Variants in NCKAP5 observed in about 807,000 individuals in gnomAD.
NCKAP5 encodes the protein nck-associated protein 5.
Under a neutral mutation model 167.0 loss-of-function variants are expected in NCKAP5, and 92 were observed. The observed-to-expected ratio is 0.55, with a 90% CI of 0.47 to 0.66. The LOEUF (loss-of-function observed/expected upper bound fraction) is 0.66. Ranked by LOEUF, NCKAP5 falls within the 30% of genes least tolerant of loss-of-function variation. NCKAP5 has a pLI of 0.00. For missense variants in NCKAP5, 2,378 were observed against 2,315.0 expected (o/e 1.03, Z -0.56); for synonymous variants, 891 against 877.4 (o/e 1.02, Z -0.27).
intron 11 of NCKAP5, among the ~76,000 whole-genome samples, chr2:132,804,258 C>G (rs1685260882): frequency 6.6e-6 from 1 of 152,142 alleles, no homozygotes; most frequent in Non-Finnish European, 1.5e-5. Flanking sequence ...TCCCTTTTGT[C>G]TTCTTCTGTA....
intron 16 of NCKAP5, among the ~76,000 whole-genome samples, chr2:132,752,112 T>A (rs1165986897): frequency 7.1e-6 from 1 of 141,682 alleles, no homozygotes; most frequent in African/African-American, 2.9e-5. Context: ...GAAGTCATCA[T>A]TTTTTGCCCA....
rs1279115035 is a variant in NCKAP5 at position 133,468,239 on chromosome 2, T to A, written c.69+49219A>T. ...TTGTTCTAGTTGGTTTCAAAGAACA[T>A]TTTTATTTCTGCCTTCATTTCGTTA... On this transcript the variant is annotated intron_variant, in intron 3 of 19. Transcript: ENST00000409261. Among the ~76,000 whole-genome samples, 2 of 140,242 alleles carry A rather than the reference T, an allele frequency of 1.4e-5. 1 individual carries two copies. The highest frequency in any genetic ancestry group is 3.1e-5 in the Non-Finnish European group (2 of 65,534). 92.0% of individuals were successfully genotyped at this position (140,242 alleles called of 152,430 possible). A position where few individuals can be genotyped will look rare whatever the true frequency, so the allele number is the denominator to read the frequency against.
chr2:133,370,771 T>G (rs994568289), intron 3 of NCKAP5, among the ~76,000 whole-genome samples: 3 of 152,012 alleles, frequency 2.0e-5, no homozygotes, highest in Admixed American at 6.6e-5. Flanking sequence ...TCTTCAGGAT[T>G]TTTTTTCTTT....
chr2:133,043,571 T>A (rs1265032681), intron 6 of NCKAP5, among the ~76,000 whole-genome samples: 1 of 152,146 alleles, frequency 6.6e-6, no homozygotes, highest in Non-Finnish European at 1.5e-5. Flanking sequence ...GCTTACAAAT[T>A]TGTACTGGGC....
At chr2:133,300,252 G>C (rs1236774927) in intron 4 of NCKAP5, among the ~76,000 whole-genome samples, 3 of 130,940 alleles carry the variant, frequency 2.3e-5, no homozygotes, top group Non-Finnish European at 4.8e-5. Context: ...AATAGAAAAA[G>C]AGGGAATCCT....
chr2:132,854,046 T>A (rs371032070), intron 11 of NCKAP5, among the ~76,000 whole-genome samples: 33 of 152,334 alleles, frequency 2.2e-4, no homozygotes, highest in African/African-American at 6.5e-4. Flanking sequence ...CTTAGTTCAC[T>A]CAGCATTTAT....
chr2:132,988,741 A>G (rs2077369055), intron 7 of NCKAP5, among the ~76,000 whole-genome samples: 1 of 152,168 alleles, frequency 6.6e-6, no homozygotes, highest in Non-Finnish European at 1.5e-5. Context: ...GCCTAGTAAT[A>G]AAAAACAAAT....
chr2:133,138,617 T>C (rs1032902130), intron 5 of NCKAP5, among the ~76,000 whole-genome samples: 5 of 152,204 alleles, frequency 3.3e-5, no homozygotes, highest in Non-Finnish European at 7.3e-5. Flanking sequence ...ACTTGATAAG[T>C]GACCTTGGGA....
chr2:133,332,043 C>G (rs1439576755), intron 3 of NCKAP5, among the ~76,000 whole-genome samples: 1 of 152,178 alleles, frequency 6.6e-6, no homozygotes, highest in African/African-American at 2.4e-5. Flanking sequence ...ACACCACCAT[C>G]TCTGAACTGT....
intron 3 of NCKAP5, among the ~76,000 whole-genome samples, chr2:133,500,381 G>A (rs1340792884): frequency 6.6e-6 from 1 of 152,164 alleles, no homozygotes; most frequent in East Asian, 1.9e-4. Context: ...ACTCAAGCGT[G>A]CTCATCACAC....
chr2:132,844,707 G>C (rs1258055228), intron 11 of NCKAP5, among the ~76,000 whole-genome samples: 1 of 152,080 alleles, frequency 6.6e-6, no homozygotes, highest in Admixed American at 6.6e-5. Flanking sequence ...CATTTAGGCT[G>C]TTTCTATTAA....
intron 5 of NCKAP5, among the ~76,000 whole-genome samples, chr2:133,169,404 GA>G (rs1351061125): frequency 6.6e-6 from 1 of 152,170 alleles, no homozygotes; most frequent in Non-Finnish European, 1.5e-5. Flanking sequence ...TCCCTTTCAA[GA>G]CAGCTCACCC....
At chr2:133,195,799 A>G (rs2085410597) in intron 5 of NCKAP5, among the ~76,000 whole-genome samples, 1 of 152,198 alleles carries the variant, frequency 6.6e-6, no homozygotes, top group Non-Finnish European at 1.5e-5. Context: ...ACATATTGAC[A>G]GGAAAAAATA....
At chr2:133,384,632 T>A (rs979508282) in intron 3 of NCKAP5, among the ~76,000 whole-genome samples, 22 of 152,228 alleles carry the variant, frequency 1.4e-4, no homozygotes, top group Non-Finnish European at 2.9e-4. Flanking sequence ...ATTGAATCTA[T>A]AAATTACCTT....
chr2:133,316,468 AT>A, intron 3 of NCKAP5, among the ~76,000 whole-genome samples: 1 of 152,290 alleles, frequency 6.6e-6, no homozygotes, highest in Non-Finnish European at 1.5e-5. Context: ...TCGTTTTTAT[AT>A]TTATCTTTAA....
chr2:133,473,636 T>G (rs2151291206), intron 3 of NCKAP5, among the ~76,000 whole-genome samples: 1 of 152,344 alleles, frequency 6.6e-6, no homozygotes, highest in South Asian at 2.1e-4. Context: ...CAGGGCTCAG[T>G]TTATCCTTCC....
At chr2:132,780,947 A>C in intron 15 of NCKAP5, 105 bp downstream of exon 15, 1 of 1,125,036 alleles carries the variant, frequency 8.9e-7, no homozygotes, top group Admixed American at 3.0e-5. Context: ...TCTTTCCCCC[A>C]GTTGCAATCT....
At chr2:132,708,282 G>A (rs562575934) in intron 19 of NCKAP5, among the ~76,000 whole-genome samples, 1 of 152,084 alleles carries the variant, frequency 6.6e-6, no homozygotes, top group Non-Finnish European at 1.5e-5. Flanking sequence ...CAGGCCTTGG[G>A]TCTAAAATGC....
the NCKAP5 span, among the ~76,000 whole-genome samples, chr2:133,647,828 G>GCAGGGCAGGC: frequency 9.2e-5 from 14 of 151,936 alleles, no homozygotes; most frequent in African/African-American, 3.1e-4. Context: ...GAAGGGCAGG[G>GCAGGGCAGGC]CAGGGCAGGG....
Sources: gnomAD v4.1 joint callset for allele counts (sites outside exome capture counted in the v4.1 genomes callset) on GRCh38, gnomAD v4.1.1 for gene constraint, MANE v1.5 for transcripts, NCBI Gene and HGNC (gene_info 2026-07-23, HGNC 2026-07-21) for gene names.